The following CERS3 variants were observed in gnomAD, a reference collection of about 807,000 sequenced individuals.
CERS3 encodes the protein LAG1 homolog, ceramide synthase 3.
In CERS3, 33 loss-of-function variants were observed where a neutral mutation model predicts 50.3. The ratio of observed to expected loss-of-function variants is 0.66; its 90% CI spans 0.50 to 0.88. The LOEUF (loss-of-function observed/expected upper bound fraction) is 0.88. Among genes scored for constraint, CERS3 ranks in the 40% least tolerant of loss-of-function variants. CERS3 has a pLI of 0.00. For missense variants in CERS3, 470 were observed against 460.3 expected, an observed-to-expected ratio of 1.02 and a Z score of -0.19; for synonymous variants, 176 against 155.2, an observed-to-expected ratio of 1.13 and a Z score of -0.99.
At chr15:100,488,995 T>G (rs2035570441) in intron 4 of CERS3, among the ~76,000 whole-genome samples, 2 of 152,272 alleles carry the variant, frequency 1.3e-5, no homozygotes, top group South Asian at 4.2e-4. Context: ...CAGGATGGTC[T>G]CGATCTCCAG....
intron 11 of CERS3, among the ~76,000 whole-genome samples, chr15:100,412,157 C>T (rs957436851): frequency 2.6e-5 from 4 of 152,056 alleles, no homozygotes; most frequent in African/African-American, 9.7e-5. Flanking sequence ...TTGTCTGTGC[C>T]TTTAGTGTCA....
chr15:100,440,822 A>G (rs188632677), intron 11 of CERS3, among the ~76,000 whole-genome samples: 3 of 152,220 alleles, frequency 2.0e-5, no homozygotes, highest in Admixed American at 2.0e-4. Flanking sequence ...TTCTCCTTTC[A>G]ATCTTGGCAC....
intron 11 of CERS3, among the ~76,000 whole-genome samples, chr15:100,432,331 C>T (rs182650425): frequency 4.7e-4 from 71 of 152,272 alleles, no homozygotes; most frequent in Non-Finnish European, 7.6e-4. Context: ...GGAATGATAA[C>T]CTGATCAAGC....
intron 2 of CERS3, among the ~76,000 whole-genome samples, chr15:100,504,555 C>T (rs1354823684): frequency 6.6e-6 from 1 of 152,118 alleles, no homozygotes; most frequent in Non-Finnish European, 1.5e-5. Flanking sequence ...ATGGACTATT[C>T]TTTTATTAGA....
intron 2 of CERS3, among the ~76,000 whole-genome samples, chr15:100,508,525 T>C (rs969905411): frequency 6.6e-6 from 1 of 152,248 alleles, no homozygotes; most frequent in African/African-American, 2.4e-5. Flanking sequence ...CCTGTGTTTT[T>C]AAAACCCCAC....
chr15:100,478,977 G>C (rs72759121), intron 7 of CERS3, among the ~76,000 whole-genome samples: 10,971 of 152,064 alleles, frequency 0.072, 460 homozygotes, highest in African/African-American at 0.12. Context: ...TTCAGTGAGT[G>C]GAAAGAGGTA....
At chr15:100,544,484 T>TCTCGGC (rs1237402870) in intron 1 of CERS3, 1 of 150,948 alleles carries the variant, frequency 6.6e-6, no homozygotes, top group Non-Finnish European at 1.5e-5. Context: ...ACGGGCCCTC[T>TCTCGGC]CTCGGCCTCG....
At chr15:100,432,742 A>C (rs1324166198) in intron 11 of CERS3, among the ~76,000 whole-genome samples, 1 of 152,144 alleles carries the variant, frequency 6.6e-6, no homozygotes, top group East Asian at 1.9e-4. Flanking sequence ...GTATGTATTT[A>C]GCCTGCAGAA....
upstream of CERS3, among the ~76,000 whole-genome samples, chr15:100,530,658 C>G (rs1045311651): frequency 1.3e-5 from 2 of 152,212 alleles, no homozygotes; most frequent in Non-Finnish European, 2.9e-5. Flanking sequence ...CTGTTCAATA[C>G]TGGTCAAACA....
intron 1 of CERS3, among the ~76,000 whole-genome samples, chr15:100,528,120 T>C (rs992928480): frequency 6.6e-6 from 1 of 152,234 alleles, no homozygotes; most frequent in African/African-American, 2.4e-5. Flanking sequence ...AAAATAAAAA[T>C]GCTTAACAGA....
At chr15:100,467,702 T>G (rs1567639469) in intron 10 of CERS3, among the ~76,000 whole-genome samples, 1 of 151,220 alleles carries the variant, frequency 6.6e-6, no homozygotes, top group East Asian at 1.9e-4. Context: ...TATGCCCAAC[T>G]GTCATCAGCA....
At chr15:100,430,933 G>T (rs1229104033) in intron 11 of CERS3, among the ~76,000 whole-genome samples, 1 of 152,124 alleles carries the variant, frequency 6.6e-6, no homozygotes, top group African/African-American at 2.4e-5. Flanking sequence ...TCTGGAATAT[G>T]AATTTTCTAG....
chr15:100,514,151 G>A (rs1379828838), intron 2 of CERS3, among the ~76,000 whole-genome samples: 1 of 152,272 alleles, frequency 6.6e-6, no homozygotes, highest in South Asian at 2.1e-4. Context: ...GTTGATCATT[G>A]TACCTCCCTG....
At chr15:100,533,618 C>T (rs570113579), upstream of CERS3, among the ~76,000 whole-genome samples, 21 of 137,206 alleles carry the variant, frequency 1.5e-4, no homozygotes, top group Admixed American at 2.4e-4. Flanking sequence ...AGTGCAGTGG[C>T]GCAATCTCAG....
At chr15:100,428,254 GA>G (rs1442934922) in intron 11 of CERS3, among the ~76,000 whole-genome samples, 1 of 152,318 alleles carries the variant, frequency 6.6e-6, no homozygotes, top group East Asian at 1.9e-4. Flanking sequence ...TCCATGTAAA[GA>G]AATACTAACC....
At position 100,402,864 on chromosome 15, in the gene CERS3, C is replaced by T. The variant is rs1433153745; in HGVS notation, c.1001G>A (p.Ser334Asn). The stretch of plus-strand genomic sequence containing the variant: ...GTCATCACTCCTCACATCCTGGATG[C>T]TCTAGACAAAGGAAAGAATTGGCTG... ...KMLNRCIFMK[S>N]IQDVRSDDED... The change falls in exon 12 of 12, where the codon AGC (serine) becomes AAC (asparagine). Residue 334 changes from serine to asparagine, a missense_variant and splice_region_variant. Physicochemically the swap from Ser to Asn is conservative, Grantham distance 46. Coordinates refer to ENST00000679737, the MANE Select transcript of CERS3 (RefSeq NM_001378789.1). The T allele has an allele frequency of 3.1e-6, 5 of 1,589,038 alleles. No individual in the cohort carries two copies. The South Asian group carries it at 5.7e-5, about 18-fold the overall frequency.
chr15:100,538,741 C>T (rs2037131844), intron 1 of CERS3, among the ~76,000 whole-genome samples: 1 of 152,194 alleles, frequency 6.6e-6, no homozygotes, highest in Non-Finnish European at 1.5e-5. Flanking sequence ...GAGACATTTT[C>T]CCCATTGTCT....
intron 3 of CERS3, among the ~76,000 whole-genome samples, chr15:100,500,836 C>G (rs567027458): frequency 6.6e-6 from 1 of 152,180 alleles, no homozygotes; most frequent in Non-Finnish European, 1.5e-5. Context: ...AGATAAGGAC[C>G]CTGCAAATGT....
At chr15:100,417,446 G>T in intron 11 of CERS3, among the ~76,000 whole-genome samples, 1 of 152,006 alleles carries the variant, frequency 6.6e-6, no homozygotes, top group East Asian at 1.9e-4. Context: ...ACGGAGTCTC[G>T]CTGATTGCTA....
Sources: allele counts gnomAD v4.1 joint callset (sites outside exome capture counted in the v4.1 genomes callset), GRCh38; gene constraint gnomAD v4.1.1; transcripts MANE v1.5; gene names NCBI Gene and HGNC (gene_info 2026-07-23, HGNC 2026-07-21).